TNR: variants seen among roughly 807,000 people sequenced by gnomAD.
TNR encodes tenascin-R.
Under a neutral mutation model 150.4 loss-of-function variants are expected in TNR, and 45 were observed. The observed-to-expected ratio is 0.30, with a 90% CI of 0.24 to 0.38. TNR has a LOEUF of 0.38. Among genes scored for constraint, TNR ranks in the 10% least tolerant of loss-of-function variants. The pLI is 1.00. For synonymous variants in TNR, 687 were observed against 678.4 expected, an observed-to-expected ratio of 1.01 and a Z score of -0.20; for missense variants, 1,544 against 1,759.1, an observed-to-expected ratio of 0.88 and a Z score of 2.19.
At chr1:175,622,259 A>G (rs1351134833) in intron 1 of TNR, among the ~76,000 whole-genome samples, 2 of 152,212 alleles carry the variant, frequency 1.3e-5, no homozygotes, top group Admixed American at 6.5e-5. Context: ...TTTCCTATTG[A>G]ATCCCTGACT....
intron 2 of TNR, among the ~76,000 whole-genome samples, chr1:175,467,597 G>A (rs1217210140): frequency 6.6e-6 from 1 of 152,152 alleles, no homozygotes; most frequent in Non-Finnish European, 1.5e-5. Flanking sequence ...ACGAGTTTTT[G>A]GAGGTGTGAG....
chr1:175,346,380 G>C (rs979191367), intron 18 of TNR, among the ~76,000 whole-genome samples: 1 of 152,164 alleles, frequency 6.6e-6, no homozygotes, highest in Non-Finnish European at 1.5e-5. Flanking sequence ...AAAGAGTCTA[G>C]TGGGATTTGA....
chr1:175,558,978 G>T (rs983069496), intron 1 of TNR, among the ~76,000 whole-genome samples: 1 of 152,182 alleles, frequency 6.6e-6, no homozygotes, highest in Admixed American at 6.5e-5. Context: ...CCACTCTGGT[G>T]GGAGATGTTG....
At chr1:175,549,274 A>G (rs1660840142) in intron 1 of TNR, among the ~76,000 whole-genome samples, 1 of 152,240 alleles carries the variant, frequency 6.6e-6, no homozygotes, top group South Asian at 2.1e-4. Context: ...CACACATGAA[A>G]TGTTCAGAGT....
chr1:175,516,226 C>A (rs1226539233), intron 2 of TNR, among the ~76,000 whole-genome samples: 2 of 152,100 alleles, frequency 1.3e-5, no homozygotes, highest in East Asian at 1.9e-4. Context: ...TAAGAGGAAG[C>A]CATGGGGTTG....
At chr1:175,545,031 A>T (rs1162801842) in intron 1 of TNR, among the ~76,000 whole-genome samples, 1 of 152,218 alleles carries the variant, frequency 6.6e-6, no homozygotes, top group Non-Finnish European at 1.5e-5. Context: ...TATGTGGAGC[A>T]GAGCTATATC....
At chr1:175,644,561 A>C (rs979513543) in intron 1 of TNR, among the ~76,000 whole-genome samples, 6 of 152,218 alleles carry the variant, frequency 3.9e-5, no homozygotes, top group Admixed American at 1.3e-4. Flanking sequence ...AATTCCACAA[A>C]GCTGGACAAC....
intron 2 of TNR, among the ~76,000 whole-genome samples, chr1:175,506,887 G>A (rs1379317975): frequency 6.6e-6 from 1 of 152,204 alleles, no homozygotes; most frequent in Admixed American, 6.5e-5. Context: ...AGGATGGACT[G>A]GACACAGGCT....
At chr1:175,386,447 G>T in intron 7 of TNR, 146 bp from the exon 8 acceptor site, 2 of 908,322 alleles carry the variant, frequency 2.2e-6, no homozygotes, top group Non-Finnish European at 1.6e-6. Flanking sequence ...AGGAAAATGA[G>T]ACACAGTAAG....
chr1:175,711,489 A>T (rs1667012934), intron 1 of TNR, among the ~76,000 whole-genome samples: 2 of 152,198 alleles, frequency 1.3e-5, no homozygotes, highest in South Asian at 4.1e-4. Context: ...CAGATGGAGC[A>T]GCACCCGGAT....
intron 8 of TNR, among the ~76,000 whole-genome samples, chr1:175,384,862 T>A (rs543250442): frequency 6.6e-6 from 1 of 152,222 alleles, no homozygotes. Flanking sequence ...CTAGGGGACA[T>A]TTTGGTGTCC....
chr1:175,396,357 T>C (rs1039350510), intron 5 of TNR, among the ~76,000 whole-genome samples, 187 bp downstream of exon 5: 12 of 152,236 alleles, frequency 7.9e-5, no homozygotes, highest in Admixed American at 2.6e-4. Context: ...GGAAACTCTC[T>C]TAATCGAAAG....
intron 2 of TNR, among the ~76,000 whole-genome samples, chr1:175,488,911 G>T (rs919923846): frequency 2.0e-5 from 3 of 152,144 alleles, no homozygotes; most frequent in Non-Finnish European, 2.9e-5. Flanking sequence ...TAGAAAGCTT[G>T]GAGTAAAGGA....
intron 1 of TNR, among the ~76,000 whole-genome samples, chr1:175,612,451 T>G (rs7518321): frequency 0.29 from 43,601 of 152,016 alleles, 6,556 homozygotes; most frequent in East Asian, 0.48. Context: ...GCAATGACCT[T>G]CTATTTCAGA....
chr1:175,506,643 A>G (rs967884987), intron 2 of TNR, among the ~76,000 whole-genome samples: 2 of 152,210 alleles, frequency 1.3e-5, no homozygotes, highest in African/African-American at 4.8e-5. Context: ...CTCAGAGGAA[A>G]CGCATCCTGC....
At chr1:175,419,144 G>A (rs1412224768) in intron 2 of TNR, among the ~76,000 whole-genome samples, 1 of 151,964 alleles carries the variant, frequency 6.6e-6, no homozygotes, top group Non-Finnish European at 1.5e-5. Flanking sequence ...TCACTTTCTT[G>A]ACAAAATGCA....
rs563090467 is a variant in TNR at position 175,737,079 on chromosome 1, G to T, written c.-165+6147C>A. 2.6e-5 allele frequency among the ~76,000 whole-genome samples: 4 copies of T among 152,228 alleles called. No individual in the cohort carries two copies. The South Asian group carries it at 8.3e-4, about 32-fold the overall frequency. On this transcript the variant is annotated intron_variant, in intron 1 of 22. Transcript: ENST00000367674. ...TAACAACAACAACAACACAAAGTAGGCTCTGTTCCAAACAGATTTGGTTGA... is the reference window on the plus strand; with the variant it reads ...TAACAACAACAACAACACAAAGTAGTCTCTGTTCCAAACAGATTTGGTTGA...
chr1:175,726,272 T>C (rs1667475213), intron 1 of TNR, among the ~76,000 whole-genome samples: 1 of 152,196 alleles, frequency 6.6e-6, no homozygotes, highest in Non-Finnish European at 1.5e-5. Context: ...ATCTACCCTA[T>C]GTTACATTCA....
intron 2 of TNR, among the ~76,000 whole-genome samples, chr1:175,518,077 A>T (rs1659486619): frequency 1.3e-5 from 2 of 150,172 alleles, no homozygotes; most frequent in Admixed American, 1.3e-4. Flanking sequence ...TATCCCCTTC[A>T]TTCATTCACT....
Sources: allele counts gnomAD v4.1 joint callset (sites outside exome capture counted in the v4.1 genomes callset), GRCh38; gene constraint gnomAD v4.1.1; transcripts MANE v1.5; gene names NCBI Gene and HGNC (gene_info 2026-07-23, HGNC 2026-07-21).